Variants in CFAP20DC observed in about 807,000 individuals in gnomAD.
CFAP20DC encodes the protein CFAP20 domain containing, also known as protein CFAP20DC.
CFAP20DC carries 84 observed loss-of-function variants against 101.7 expected under a neutral mutation model. The ratio of observed to expected loss-of-function variants is 0.83; its 90% confidence interval spans 0.69 to 0.99. The LOEUF is 0.99. Ranked by LOEUF, CFAP20DC falls within the 50% of genes least tolerant of loss-of-function variation. The probability of loss-of-function intolerance (pLI) is 0.00; values close to 1 mark genes in which losing one functional copy is unlikely to be tolerated. For missense variants in CFAP20DC, 1,007 were observed against 970.3 expected, an observed-to-expected ratio of 1.04 and a Z score of -0.50; for synonymous variants, 359 against 351.2, an observed-to-expected ratio of 1.02 and a Z score of -0.25.
intron 3 of CFAP20DC, among the ~76,000 whole-genome samples, chr3:58,733,202 C>A (rs994309770): frequency 2.0e-5 from 3 of 152,052 alleles, no homozygotes; most frequent in Non-Finnish European, 4.4e-5. Flanking sequence ...CGTGGTGGCG[C>A]ATGCCTGTAG....
intron 6 of CFAP20DC, among the ~76,000 whole-genome samples, chr3:58,909,791 T>C (rs757812829): frequency 6.6e-6 from 1 of 152,186 alleles, no homozygotes; most frequent in Non-Finnish European, 1.5e-5. Context: ...TAGGTAAACA[T>C]GTGCCATGGT....
chr3:58,927,426 T>C (rs1056130533), intron 5 of CFAP20DC, among the ~76,000 whole-genome samples: 11 of 152,194 alleles, frequency 7.2e-5, no homozygotes, highest in Non-Finnish European at 1.3e-4. Flanking sequence ...AAGAAGGGTC[T>C]GAGTCCACCT....
chr3:59,029,533 G>A (rs1044236917), intron 4 of CFAP20DC, among the ~76,000 whole-genome samples: 2 of 152,096 alleles, frequency 1.3e-5, no homozygotes, highest in Non-Finnish European at 2.9e-5. Flanking sequence ...TTCACCTGGT[G>A]CGTGAGGAAG....
rs2079552056 is a variant in CFAP20DC, at chr3:58,864,917, T to G, written c.1259-1025A>C. On this transcript the variant is annotated intron_variant, in intron 11 of 16. Transcript: ENST00000482387. The surrounding 1 kb of genome is among the most constrained non-coding windows in gnomAD (Gnocchi z 4.7). Reference sequence around the variant, plus strand: ...CATACACTACAGGGAAATATATATTTTTTCAAAACTTTTAAAGACTTCAAT... The same window carrying G: ...CATACACTACAGGGAAATATATATTGTTTCAAAACTTTTAAAGACTTCAAT... Among the ~76,000 whole-genome samples, 1 of 152,204 alleles carries G rather than the reference T, an allele frequency of 6.6e-6. No individual in the cohort carries two copies. Among genetic ancestry groups the G allele is most frequent in the Non-Finnish European group, 1.5e-5 (1 of 68,036 alleles).
chr3:58,742,272 A>G lies in CFAP20DC; in HGVS notation c.*188T>C. 1 of 1,161,520 alleles carries G rather than the reference A, an allele frequency of 8.6e-7. No individual in the cohort carries two copies. 72.0% of individuals were successfully genotyped at this position (1,161,520 alleles called of 1,614,324 possible). ...TATTAATTTCTTCAGTTTCAAAATCATACTCATCTACAAAAGGAATATAGG... is the reference window on the plus strand; with the variant it reads ...TATTAATTTCTTCAGTTTCAAAATCGTACTCATCTACAAAAGGAATATAGG... On this transcript the variant is annotated 3_prime_UTR_variant, in exon 17 of 17. Transcript: ENST00000482387.
At chr3:58,770,965 G>A (rs140382331) in intron 15 of CFAP20DC, among the ~76,000 whole-genome samples, 3,160 of 152,120 alleles carry the variant, frequency 0.021, 120 homozygotes, top group African/African-American at 0.071. Context: ...TGTTTATCGC[G>A]GCACTATTCA....
chr3:58,894,141 C>T lies in CFAP20DC; in HGVS notation c.551-9432G>A, dbSNP rs2082480872. 6.6e-6 allele frequency among the ~76,000 whole-genome samples: 1 copy of T among 152,152 alleles called. No individual in the cohort carries two copies. Among genetic ancestry groups the T allele is most frequent in the Non-Finnish European group, 1.5e-5 (1 of 68,036 alleles). ...ATTCAAGATGAGACTTGGGTGAGGA[C>T]ACAGCCAAACCATATCATTCTCCCC... On this transcript the variant is annotated intron_variant, in intron 6 of 16. Transcript: ENST00000482387. The surrounding 1 kb of genome is among the most constrained non-coding windows in gnomAD (Gnocchi z 4.1).
At chr3:58,741,133 G>A (rs541071784), downstream of CFAP20DC, among the ~76,000 whole-genome samples, 2 of 152,172 alleles carry the variant, frequency 1.3e-5, no homozygotes, top group African/African-American at 2.4e-5. Flanking sequence ...AAATCCAACT[G>A]TACACCAATA....
chr3:58,913,486 A>C lies in CFAP20DC; in HGVS notation c.550+222T>G, dbSNP rs1052883885. On this transcript the variant is annotated intron_variant, in intron 6 of 16. Coordinates refer to ENST00000482387, the MANE Select transcript of CFAP20DC (RefSeq NM_001394063.1). The surrounding 1 kb of genome is among the most constrained non-coding windows in gnomAD (Gnocchi z 4.4). ...GCAAGTGTTACCATAAAGAAAAAAG[A>C]AAACAACCACAAAAAGAAGATTAAT... The C allele has an allele frequency of 3.3e-6, 2 of 607,638 alleles. No individual in the cohort carries two copies. Among genetic ancestry groups the C allele is most frequent in the African/African-American group, 3.7e-5 (2 of 53,948 alleles). The allele number at this position is 607,638 out of a possible 1,614,324, so 37.6% of individuals were successfully genotyped here. A position where few individuals can be genotyped will look rare whatever the true frequency, so the allele number is the denominator to read the frequency against.
At chr3:58,903,677 G>A (rs921429284) in intron 6 of CFAP20DC, among the ~76,000 whole-genome samples, 1 of 152,154 alleles carries the variant, frequency 6.6e-6, no homozygotes, top group African/African-American at 2.4e-5. Context: ...GATCTCATGA[G>A]AGCTTACTAT....
At chr3:58,761,005 T>C (rs2069524443) in intron 15 of CFAP20DC, among the ~76,000 whole-genome samples, 2 of 152,212 alleles carry the variant, frequency 1.3e-5, no homozygotes, top group Non-Finnish European at 2.9e-5. Flanking sequence ...TCTTTTTTTG[T>C]TGTGTCTCTG....
chr3:58,945,131 G>C (rs781445460), intron 4 of CFAP20DC, among the ~76,000 whole-genome samples: 68 of 152,250 alleles, frequency 4.5e-4, no homozygotes, highest in Non-Finnish European at 7.5e-4. Context: ...CTATTTTACA[G>C]ATGAGGAATC....
At position 58,849,095 on chromosome 3, in the gene CFAP20DC, T is replaced by C. The variant is rs200587255; in HGVS notation, c.1908A>G (p.Ser636=). 2.7e-5 allele frequency: 41 copies of C among 1,535,986 alleles called. No homozygotes were observed. Among genetic ancestry groups the C allele is most frequent in the Non-Finnish European group, 3.2e-5 (37 of 1,146,926 alleles). The part of the protein sequence containing the change: ...KDLSAQQVPA[S]LNKTSLKEIS... The stretch of plus-strand genomic sequence containing the variant: ...TTTCTTTCAGGGAGGTTTTGTTTAG[T>C]GAAGCTGGCACTTGCTGGGCTGATA... Residue 636 remains serine (S), a synonymous_variant, in exon 13 of 17, where the codon TCA becomes TCG. Transcript: ENST00000482387.
intron 5 of CFAP20DC, among the ~76,000 whole-genome samples, chr3:58,921,358 A>G (rs1436851783): frequency 6.6e-6 from 1 of 151,854 alleles, no homozygotes; most frequent in Non-Finnish European, 1.5e-5. Flanking sequence ...TTCTTTTTGA[A>G]TGTAATCATT....
intron 15 of CFAP20DC, among the ~76,000 whole-genome samples, chr3:58,757,412 T>C (rs2069064426): frequency 6.6e-6 from 1 of 152,100 alleles, no homozygotes; most frequent in African/African-American, 2.4e-5. Flanking sequence ...GTGCCATATA[T>C]ATGATTGTTC....
intron 4 of CFAP20DC, chr3:58,953,757 G>C (rs2090369035): frequency 6.6e-6 from 1 of 152,160 alleles, no homozygotes. Flanking sequence ...CAAGGAGGCT[G>C]CTTGTAAAAC....
intron 3 of CFAP20DC, among the ~76,000 whole-genome samples, chr3:59,040,594 CA>C (rs1257004566): frequency 2.6e-5 from 4 of 151,042 alleles, no homozygotes; most frequent in South Asian, 4.2e-4. Flanking sequence ...GGATTAAAGA[CA>C]AAAAAAAGGC....
intron 4 of CFAP20DC, among the ~76,000 whole-genome samples, chr3:58,956,369 A>C (rs2090632127): frequency 6.6e-6 from 1 of 152,022 alleles, no homozygotes; most frequent in Non-Finnish European, 1.5e-5. Flanking sequence ...CCTGGGCCTT[A>C]AGGGAACATC....
chr3:58,789,184 T>A (rs1214555844), intron 15 of CFAP20DC, among the ~76,000 whole-genome samples: 5 of 152,206 alleles, frequency 3.3e-5, no homozygotes, highest in African/African-American at 1.2e-4. Context: ...TTAAATGCTT[T>A]GTAACTAAGT....
Sources: allele counts gnomAD v4.1 joint callset (sites outside exome capture counted in the v4.1 genomes callset), GRCh38; gene constraint gnomAD v4.1.1; non-coding constraint Gnocchi (gnomAD v3.1); transcripts MANE v1.5; gene names NCBI Gene and HGNC (gene_info 2026-07-23, HGNC 2026-07-21).